The following RBFOX1 variants were observed in gnomAD, a reference collection of about 807,000 sequenced individuals.
RBFOX1 encodes RNA binding protein fox-1 homolog 1.
A neutral mutation model predicts 57.7 loss-of-function variants in RBFOX1; 8 were observed. That is an observed-to-expected ratio of 0.14 (90% CI 0.08 to 0.25). RBFOX1 has a LOEUF of 0.25. RBFOX1 is among the 10% of genes least tolerant of loss of function. The pLI is 1.00. For missense variants in RBFOX1, 611 were observed against 548.5 expected, an observed-to-expected ratio of 1.11 and a Z score of -1.14; for synonymous variants, 326 against 222.4, an observed-to-expected ratio of 1.47 and a Z score of -4.15.
rs564310656 is a variant in RBFOX1, at chr16:7,288,521, C to T, written c.28-229626C>T. Among the ~76,000 whole-genome samples the T allele has an allele frequency of 1.3e-3, 204 of 152,290 alleles. 2 individuals are homozygous for T. Among genetic ancestry groups the T allele is most frequent in the South Asian group, 0.011 (52 of 4,824 alleles). On this transcript the variant is annotated intron_variant, in intron 4 of 15. Transcript: ENST00000550418. Reference sequence around the variant, plus strand: ...AAACCCTTGGCATAGTGTCTACACACAGTAAATGCTAAGTAATTCTTAACT... The same window carrying T: ...AAACCCTTGGCATAGTGTCTACACATAGTAAATGCTAAGTAATTCTTAACT...
At chr16:7,577,456 A>T (rs2093426821) in intron 5 of RBFOX1, among the ~76,000 whole-genome samples, 1 of 152,184 alleles carries the variant, frequency 6.6e-6, no homozygotes. Flanking sequence ...CCTGTCTTGG[A>T]ATAGCCTCAG....
intron 4 of RBFOX1, among the ~76,000 whole-genome samples, chr16:7,279,048 A>G (rs1250636682): frequency 6.7e-6 from 1 of 149,642 alleles, no homozygotes; most frequent in East Asian, 2.0e-4. Flanking sequence ...AAAAAGTCCT[A>G]TTTTATCTAA....
intron 14 of RBFOX1, among the ~76,000 whole-genome samples, chr16:7,683,033 T>TATATATATATAA (rs374375329): frequency 8.1e-4 from 21 of 25,826 alleles, no homozygotes; most frequent in African/African-American, 1.5e-3. Context: ...TATATATATA[T>TATATATATATAA]AAAACAGTGC....
At chr16:6,793,800 G>T (rs1165285247) in intron 3 of RBFOX1, among the ~76,000 whole-genome samples, 4 of 152,148 alleles carry the variant, frequency 2.6e-5, no homozygotes, top group Admixed American at 1.3e-4. Flanking sequence ...TGTGGATTTG[G>T]TTGGTTGTTT....
Position 6,034,551 on chromosome 16 carries a change from C to G in RBFOX1, c.-127+14559C>G, listed in dbSNP as rs1206104909. ...TGCTGAAGAGTCTGACTAGTTCTCTCCAACCTTTGGGTAAGGTTCCCATCT... is the reference window on the plus strand; with the variant it reads ...TGCTGAAGAGTCTGACTAGTTCTCTGCAACCTTTGGGTAAGGTTCCCATCT... On this transcript the variant is annotated intron_variant, in intron 1 of 15. Coordinates refer to ENST00000550418, the MANE Select transcript of RBFOX1 (RefSeq NM_018723.4). Among the ~76,000 whole-genome samples the G allele has an allele frequency of 2.0e-5, 3 of 152,006 alleles. No individual in the cohort carries two copies. In the East Asian group the frequency reaches 5.8e-4, roughly 30 times the overall value.
chr16:5,279,731 A>C (rs1302538232), intron 1 of RBFOX1, among the ~76,000 whole-genome samples: 2 of 152,118 alleles, frequency 1.3e-5, no homozygotes, highest in South Asian at 4.2e-4. Context: ...CAAACTCCCA[A>C]CCTCAGGTGA....
In RBFOX1 at chr16:7,006,723, C is replaced by T. The variant is rs530563986; in HGVS notation, c.-15-45334C>T. On this transcript the variant is annotated intron_variant, in intron 3 of 15. Coordinates refer to ENST00000550418, the MANE Select transcript of RBFOX1 (RefSeq NM_018723.4). The stretch of plus-strand genomic sequence containing the variant: ...TTGGTCTCCCAATGTGCTGGGATTA[C>T]GGACATGAGCCACCATGCCTGGCAA... 2.2e-4 allele frequency among the ~76,000 whole-genome samples: 34 copies of T among 152,250 alleles called. No individual in the cohort carries two copies. In the East Asian group the frequency reaches 3.9e-3, roughly 17 times the overall value.
intron 2 of RBFOX1, among the ~76,000 whole-genome samples, chr16:6,354,740 C>G (rs977148105): frequency 6.6e-6 from 1 of 152,202 alleles, no homozygotes; most frequent in Non-Finnish European, 1.5e-5. Flanking sequence ...TCACTAATCT[C>G]TGAAACCACT....
intron 2 of RBFOX1, among the ~76,000 whole-genome samples, chr16:5,549,015 G>C (rs903840466): frequency 6.6e-6 from 1 of 152,210 alleles, no homozygotes; most frequent in Non-Finnish European, 1.5e-5. Flanking sequence ...TGCTGATACA[G>C]CTCATGACAA....
intron 2 of RBFOX1, among the ~76,000 whole-genome samples, chr16:5,560,759 G>C (rs2045861851): frequency 6.6e-6 from 1 of 152,168 alleles, no homozygotes; most frequent in South Asian, 2.1e-4. Flanking sequence ...CTCTGGACAA[G>C]ATACCTATGA....
At chr16:5,465,423 G>C (rs1039840697) in intron 1 of RBFOX1, among the ~76,000 whole-genome samples, 1 of 152,194 alleles carries the variant, frequency 6.6e-6, no homozygotes, top group African/African-American at 2.4e-5. Flanking sequence ...AGAAGTCCTA[G>C]ATTTGGGGTT....
At chr16:7,323,767 ACT>A (rs2096575626) in intron 4 of RBFOX1, among the ~76,000 whole-genome samples, 1 of 152,168 alleles carries the variant, frequency 6.6e-6, no homozygotes, top group African/African-American at 2.4e-5. Context: ...AGTGGTAGTG[ACT>A]CTGTTAGTGA....
At chr16:5,450,226 C>T (rs1205597924) in intron 1 of RBFOX1, among the ~76,000 whole-genome samples, 1 of 152,156 alleles carries the variant, frequency 6.6e-6, no homozygotes, top group African/African-American at 2.4e-5. Context: ...ATTCTGTCTC[C>T]CTCCTGACAC....
At chr16:7,705,181 A>G (rs1199226724) in intron 14 of RBFOX1, among the ~76,000 whole-genome samples, 1 of 151,972 alleles carries the variant, frequency 6.6e-6, no homozygotes, top group Admixed American at 6.6e-5. Flanking sequence ...CTAAGCAGAG[A>G]ATGGATTTGC....
intron 3 of RBFOX1, among the ~76,000 whole-genome samples, chr16:6,854,635 C>T (rs1438523120): frequency 8.2e-6 from 1 of 122,226 alleles, no homozygotes; most frequent in East Asian, 2.6e-4. Context: ...CGCTGTTTTG[C>T]CCAGGCTGGA....
chr16:7,546,974 C>G (rs1192869956), intron 5 of RBFOX1, among the ~76,000 whole-genome samples: 1 of 152,030 alleles, frequency 6.6e-6, no homozygotes, highest in Admixed American at 6.5e-5. Context: ...TCAGATAAAA[C>G]TAAAACAAAA....
intron 1 of RBFOX1, among the ~76,000 whole-genome samples, chr16:5,272,576 C>T (rs549220721): frequency 2.6e-5 from 4 of 152,178 alleles, no homozygotes; most frequent in African/African-American, 9.7e-5. Flanking sequence ...CTACCGATAC[C>T]CCACTGACGT....
At chr16:6,493,604 T>A (rs1443362309) in intron 2 of RBFOX1, among the ~76,000 whole-genome samples, 1 of 152,242 alleles carries the variant, frequency 6.6e-6, no homozygotes, top group Non-Finnish European at 1.5e-5. Flanking sequence ...ATGTTTACTA[T>A]ATATTTATGA....
chr16:5,768,054 C>G (rs2053848677), intron 3 of RBFOX1, among the ~76,000 whole-genome samples: 1 of 152,076 alleles, frequency 6.6e-6, no homozygotes. Flanking sequence ...AAAAATAACC[C>G]ATTTCTATTT....
Sources: allele counts gnomAD v4.1 joint callset (sites outside exome capture counted in the v4.1 genomes callset), GRCh38; gene constraint gnomAD v4.1.1; transcripts MANE v1.5; gene names NCBI Gene and HGNC (gene_info 2026-07-23, HGNC 2026-07-21).